Variants in PDZD2 observed in about 807,000 individuals in gnomAD.
PDZD2 encodes PDZ domain-containing protein 2.
A neutral mutation model predicts 220.7 loss-of-function variants in PDZD2; 90 were observed. The observed-to-expected ratio is 0.41, with a 90% CI of 0.34 to 0.49. PDZD2 has a LOEUF of 0.49. PDZD2 is among the 20% of genes least tolerant of loss of function. The pLI is 0.28. For missense variants in PDZD2, 3,174 were observed against 3,608.5 expected (o/e 0.88, Z 3.08); for synonymous variants, 1,375 against 1,450.5 (o/e 0.95, Z 1.18).
At chr5:31,889,339 T>G (rs531263213) in intron 2 of PDZD2, among the ~76,000 whole-genome samples, 3 of 152,320 alleles carry the variant, frequency 2.0e-5, no homozygotes, top group African/African-American at 7.2e-5. Context: ...GCCTTTTCTT[T>G]TGGAATGCTT....
intron 1 of PDZD2, among the ~76,000 whole-genome samples, chr5:31,654,651 T>G (rs547781486): frequency 1.3e-5 from 2 of 152,268 alleles, no homozygotes; most frequent in South Asian, 2.1e-4. Flanking sequence ...TCTTGTTCGC[T>G]CTTTAAAAAT....
At chr5:31,854,758 C>T (rs935788112) in intron 2 of PDZD2, among the ~76,000 whole-genome samples, 1 of 152,128 alleles carries the variant, frequency 6.6e-6, no homozygotes, top group Non-Finnish European at 1.5e-5. Context: ...CTGAAATCCT[C>T]CCCAGGGCGG....
intron 2 of PDZD2, among the ~76,000 whole-genome samples, chr5:31,937,486 G>T (rs527954994): frequency 6.6e-6 from 1 of 152,296 alleles, no homozygotes; most frequent in African/African-American, 2.4e-5. Context: ...ACTGCTTACT[G>T]CCTGGCTGGC....
rs567475762 is a variant in PDZD2 at position 31,684,990 on chromosome 5, A to G, written c.-361+45553A>G. ...TCTTTATCTGTTTTGCTTGGTGCCAATTATTCAACATGTTGAATAGTGCCT... is the reference window on the plus strand; with the variant it reads ...TCTTTATCTGTTTTGCTTGGTGCCAGTTATTCAACATGTTGAATAGTGCCT... On this transcript the variant is annotated intron_variant, in intron 1 of 24. Coordinates refer to ENST00000438447, the MANE Select transcript of PDZD2 (RefSeq NM_178140.4). Among the ~76,000 whole-genome samples, 27 of 152,326 alleles carry G rather than the reference A, an allele frequency of 1.8e-4. No homozygotes were observed. In the East Asian group the frequency reaches 5.0e-3, roughly 28 times the overall value.
At chr5:31,679,528 G>A (rs1289727997) in intron 1 of PDZD2, among the ~76,000 whole-genome samples, 5 of 152,052 alleles carry the variant, frequency 3.3e-5, no homozygotes, top group African/African-American at 9.7e-5. Context: ...ATTTATTTTC[G>A]AGACAGGGTC....
At chr5:31,666,670 G>T (rs190071718) in intron 1 of PDZD2, among the ~76,000 whole-genome samples, 16 of 152,162 alleles carry the variant, frequency 1.1e-4, no homozygotes, top group Admixed American at 8.5e-4. Context: ...CTTATTCTAC[G>T]CTCCAGTCTG....
chr5:31,854,970 C>CT, intron 2 of PDZD2: 1 of 985,494 alleles, frequency 1.0e-6, no homozygotes, highest in Non-Finnish European at 1.2e-6. Context: ...TCGGGAAGTC[C>CT]TGCAGGAGCC....
intron 1 of PDZD2, among the ~76,000 whole-genome samples, chr5:31,719,337 G>A (rs1281043889): frequency 1.3e-5 from 2 of 152,126 alleles, no homozygotes; most frequent in African/African-American, 4.8e-5. Context: ...AACAGAATGG[G>A]CACAGAAAAG....
chr5:31,983,218 G>T lies in PDZD2; in HGVS notation c.540G>T (p.Lys180Asn). The T allele has an allele frequency of 1.2e-6, 2 of 1,614,146 alleles. No individual in the cohort carries two copies. Among genetic ancestry groups the T allele is most frequent in the Non-Finnish European group, 1.7e-6 (2 of 1,180,012 alleles). ...ACCTGATCATGCTGCGTCGCTTTAA[G>T]CACAAAGCCCACTCCACTTATAATG... ...FIYLIMLRRF[K>N]HKAHSTYNGN... The change falls in exon 3 of 25, where the codon AAG becomes AAT. Residue 180 changes from lysine to asparagine, a missense_variant. By Grantham distance (94) the Lys-to-Asn change is moderately conservative. This residue lies in a region of PDZD2 where 632 missense variants were observed against 708.1 expected (regional missense o/e 0.89). Coordinates refer to ENST00000438447, the MANE Select transcript of PDZD2 (RefSeq NM_178140.4).
intron 18 of PDZD2, among the ~76,000 whole-genome samples, chr5:32,076,537 G>C (rs1358316633): frequency 6.6e-6 from 1 of 152,046 alleles, no homozygotes; most frequent in Non-Finnish European, 1.5e-5. Flanking sequence ...TTGCTATAAA[G>C]TATATGTCCT....
chr5:31,853,081 C>T (rs978974594), intron 2 of PDZD2, among the ~76,000 whole-genome samples: 1 of 152,166 alleles, frequency 6.6e-6, no homozygotes, highest in African/African-American at 2.4e-5. Flanking sequence ...TCCCATAAAA[C>T]TTATAGGATG....
Position 31,734,791 on chromosome 5 carries a change from C to G in PDZD2, c.-360-64098C>G, listed in dbSNP as rs968294621. Among the ~76,000 whole-genome samples the G allele has an allele frequency of 8.5e-5, 13 of 152,316 alleles. No homozygotes were observed. In the Middle Eastern group the frequency reaches 0.01, roughly 120 times the overall value. ...TCCCTGAAAACCAGCCCCCATCCTA[C>G]AGCTATCCAGGAGCCCTCAGCCACC... On this transcript the variant is annotated intron_variant, in intron 1 of 24. Transcript: ENST00000438447.
At chr5:31,856,980 C>CAGTACG (rs1195762079) in intron 2 of PDZD2, among the ~76,000 whole-genome samples, 1 of 151,514 alleles carries the variant, frequency 6.6e-6, no homozygotes, top group East Asian at 1.9e-4. Context: ...TAACTAGGGA[C>CAGTACG]AGTACTCACT....
Position 32,087,339 on chromosome 5 carries a change from G to T in PDZD2, c.3891G>T (p.Ala1297=), listed in dbSNP as rs762003118. The change falls in exon 20 of 25, where the codon GCG becomes GCT. Residue 1297 remains alanine (A), a synonymous_variant. Transcript: ENST00000438447. This position sits in a 1 kb window ranked among gnomAD's most constrained non-coding sequence, Gnocchi z 4.0. The stretch of plus-strand genomic sequence containing the variant: ...GCCCCTCCCCGGGGGAGAAAGCAGC[G>T]GCTCCCCCTGACTACAGCAAGACTC... The part of the protein sequence containing the change: ...EGSPSPGEKA[A]APPDYSKTRS... The T allele has an allele frequency of 6.2e-7, 1 of 1,614,056 alleles. No homozygotes were observed. Among genetic ancestry groups the T allele is most frequent in the Non-Finnish European group, 8.5e-7 (1 of 1,179,962 alleles).
At chr5:32,013,999 T>A (rs982062732) in intron 6 of PDZD2, among the ~76,000 whole-genome samples, 3 of 152,218 alleles carry the variant, frequency 2.0e-5, no homozygotes, top group Non-Finnish European at 2.9e-5. Context: ...CTTCACAGTC[T>A]ACCAGGGTCG....
At chr5:31,716,410 G>A (rs566797527) in intron 1 of PDZD2, among the ~76,000 whole-genome samples, 9 of 152,288 alleles carry the variant, frequency 5.9e-5, no homozygotes, top group South Asian at 2.1e-4. Flanking sequence ...ACTGGGTCAG[G>A]AGGCAGAAGG....
chr5:31,965,016 C>T (rs893251484), intron 2 of PDZD2, among the ~76,000 whole-genome samples: 1 of 152,218 alleles, frequency 6.6e-6, no homozygotes, highest in African/African-American at 2.4e-5. Flanking sequence ...GCCACCGCGC[C>T]CGGCCAGTTT....
chr5:32,041,009 C>G (rs10038075), intron 7 of PDZD2, among the ~76,000 whole-genome samples: 1 of 141,700 alleles, frequency 7.1e-6, no homozygotes, highest in African/African-American at 2.8e-5. Flanking sequence ...TCTGCCCGGC[C>G]GCCCCGTCTG....
intron 1 of PDZD2, among the ~76,000 whole-genome samples, chr5:31,777,548 C>T (rs564126193): frequency 4.6e-5 from 7 of 152,390 alleles, no homozygotes; most frequent in East Asian, 3.9e-4. Context: ...ATGGCCCCCA[C>T]GCGGGATCCA....
Sources: allele counts gnomAD v4.1 joint callset (sites outside exome capture counted in the v4.1 genomes callset), GRCh38; gene constraint gnomAD v4.1.1; regional missense constraint gnomAD v4.1.1; non-coding constraint Gnocchi (gnomAD v3.1); transcripts MANE v1.5; gene names NCBI Gene and HGNC (gene_info 2026-07-23, HGNC 2026-07-21).